The following TBC1D22A variants were observed in gnomAD, a reference collection of about 807,000 sequenced individuals.
TBC1D22A encodes putative GTPase activator.
In TBC1D22A, 38 loss-of-function variants were observed where a neutral mutation model predicts 60.2. That is an observed-to-expected ratio of 0.63 (90% CI 0.49 to 0.83). The LOEUF is 0.83. Among genes scored for constraint, TBC1D22A ranks in the 40% least tolerant of loss-of-function variants. TBC1D22A has a pLI of 0.00. For synonymous variants in TBC1D22A, 302 were observed against 281.7 expected (o/e 1.07, Z -0.72); for missense variants, 628 against 701.0 (o/e 0.90, Z 1.18).
At chr22:47,075,222 C>CAAAAAAAAAA (rs386395628) in intron 11 of TBC1D22A, among the ~76,000 whole-genome samples, 6 of 114,100 alleles carry the variant, frequency 5.3e-5, no homozygotes, top group East Asian at 5.1e-4. Context: ...GATTCCGTCT[C>CAAAAAAAAAA]AAAAAAAAAA....
intron 4 of TBC1D22A, among the ~76,000 whole-genome samples, chr22:46,873,312 C>A (rs2067379270): frequency 6.6e-6 from 1 of 152,126 alleles, no homozygotes; most frequent in African/African-American, 2.4e-5. Context: ...CATCATTAAT[C>A]ATCATAAAAT....
At chr22:46,956,695 T>C (rs372541136) in intron 8 of TBC1D22A, among the ~76,000 whole-genome samples, 43 of 152,230 alleles carry the variant, frequency 2.8e-4, no homozygotes, top group Admixed American at 1.1e-3. Flanking sequence ...GTCCGCCGTC[T>C]GTGGGGCGCG....
In TBC1D22A at chr22:46,854,792, C is replaced by T. The variant is rs541720650; in HGVS notation, c.638-23861C>T. On this transcript the variant is annotated intron_variant, in intron 4 of 12. Coordinates refer to ENST00000337137, the MANE Select transcript of TBC1D22A (RefSeq NM_014346.5). ...CCCGTTGCTTGCAGGACAAAGATCA[C>T]ACTCCTGATATTTAATGCCTTTCTT... 2.6e-5 allele frequency among the ~76,000 whole-genome samples: 4 copies of T among 152,320 alleles called. No homozygotes were observed. In the East Asian group the frequency reaches 7.7e-4, roughly 29 times the overall value.
At chr22:46,774,743 T>TGATATTTCTGGGCCCCC (rs926142050) in intron 1 of TBC1D22A, among the ~76,000 whole-genome samples, 32 of 152,286 alleles carry the variant, frequency 2.1e-4, no homozygotes, top group African/African-American at 7.5e-4. Context: ...TCGGGGCCCC[T>TGATATTTCTGGGCCCCC]GATATTTCTG....
intron 8 of TBC1D22A, among the ~76,000 whole-genome samples, chr22:46,963,965 C>T (rs760449363): frequency 3.3e-5 from 5 of 152,218 alleles, no homozygotes; most frequent in African/African-American, 9.6e-5. Context: ...GAGCGATGCA[C>T]GTTTTCATGG....
At chr22:46,934,121 T>G (rs1364619908) in intron 8 of TBC1D22A, among the ~76,000 whole-genome samples, 1 of 152,172 alleles carries the variant, frequency 6.6e-6, no homozygotes, top group Non-Finnish European at 1.5e-5. Context: ...AATGGGTGAG[T>G]TTGCAGACTT....
At chr22:47,021,731 A>G (rs1366433205) in intron 10 of TBC1D22A, among the ~76,000 whole-genome samples, 1 of 152,266 alleles carries the variant, frequency 6.6e-6, no homozygotes, top group Admixed American at 6.5e-5. Flanking sequence ...TAAGCTGCTA[A>G]GTTTATGGTA....
chr22:47,116,498 C>T (rs2066061661), intron 12 of TBC1D22A: 1 of 152,440 alleles, frequency 6.6e-6, no homozygotes, highest in African/African-American at 2.4e-5. Context: ...GCAGCTTCCT[C>T]CAGCATGGTG....
chr22:47,034,792 A>G (rs1345081168), intron 10 of TBC1D22A, among the ~76,000 whole-genome samples: 1 of 152,236 alleles, frequency 6.6e-6, no homozygotes, highest in East Asian at 1.9e-4. Context: ...TTATCCTAAC[A>G]ACTGATGACG....
chr22:47,034,967 C>A (rs1028869661), intron 10 of TBC1D22A, among the ~76,000 whole-genome samples: 1 of 152,120 alleles, frequency 6.6e-6, no homozygotes, highest in African/African-American at 2.4e-5. Flanking sequence ...GAGGCACCAG[C>A]GTTCCCAGCC....
At position 47,067,121 on chromosome 22, in the gene TBC1D22A, C is replaced by T. The variant is rs150923080; in HGVS notation, c.1329+29923C>T. 6.0e-3 allele frequency among the ~76,000 whole-genome samples: 908 copies of T among 152,236 alleles called. 12 individuals are homozygous for T. The highest frequency in any genetic ancestry group is 0.021 in the African/African-American group (862 of 41,540). ...TCTCTACTAAAAATACAAAAATTAG[C>T]AGAGTGTGGTGGCACGTGCCTATAA... On this transcript the variant is annotated intron_variant, in intron 11 of 12. Coordinates refer to ENST00000337137, the MANE Select transcript of TBC1D22A (RefSeq NM_014346.5).
chr22:47,106,433 T>G (rs1303832255), intron 11 of TBC1D22A, among the ~76,000 whole-genome samples: 1 of 152,330 alleles, frequency 6.6e-6, no homozygotes, highest in Non-Finnish European at 1.5e-5. Context: ...TATGAAGGAA[T>G]GACAAATAGA....
rs374043024 is a variant in TBC1D22A, at chr22:47,086,289, C to T, written c.1330-25219C>T. ...AGATCAGCCTGGAGAAACCCCGTCTCTACTAAAAACACAAAATTAGCCGGG... is the reference window on the plus strand; with the variant it reads ...AGATCAGCCTGGAGAAACCCCGTCTTTACTAAAAACACAAAATTAGCCGGG... On this transcript the variant is annotated intron_variant, in intron 11 of 12. Coordinates refer to ENST00000337137, the MANE Select transcript of TBC1D22A (RefSeq NM_014346.5). Among the ~76,000 whole-genome samples the T allele has an allele frequency of 7.2e-5, 11 of 152,262 alleles. No homozygotes were observed. The East Asian group carries it at 1.5e-3, about 21-fold the overall frequency.
chr22:47,069,818 T>A, intron 11 of TBC1D22A, among the ~76,000 whole-genome samples: 1 of 137,460 alleles, frequency 7.3e-6, no homozygotes, highest in Non-Finnish European at 1.5e-5. Context: ...TTCCCGGCTG[T>A]TCCCTGTTGT....
At chr22:46,976,367 C>T (rs2074295355) in intron 9 of TBC1D22A, among the ~76,000 whole-genome samples, 1 of 152,180 alleles carries the variant, frequency 6.6e-6, no homozygotes, top group Non-Finnish European at 1.5e-5. Context: ...CGATGGATTC[C>T]ACATGATCCT....
chr22:47,060,632 G>C (rs941179169), intron 11 of TBC1D22A, among the ~76,000 whole-genome samples: 1 of 152,150 alleles, frequency 6.6e-6, no homozygotes, highest in Admixed American at 6.5e-5. Flanking sequence ...GGGTTTTGCT[G>C]TGTTGGTCAG....
Position 46,891,265 on chromosome 22 carries a change from G to C in TBC1D22A, c.709-1G>C. 1.9e-6 allele frequency: 3 copies of C among 1,604,260 alleles called. No individual in the cohort carries two copies. The highest frequency in any genetic ancestry group is 2.5e-6 in the Non-Finnish European group (3 of 1,177,032). ...ATATTTTTTGTTTATTTCTCACCCA[G>C]GGTTACCTTCCCGCCAATGTAGACC... is the stretch of plus-strand genomic sequence containing the variant. On this transcript the variant is annotated splice_acceptor_variant, in intron 5 of 12. Transcript: ENST00000337137. LOFTEE classifies it high-confidence loss of function.
chr22:47,098,348 G>T (rs2065264595), intron 11 of TBC1D22A, among the ~76,000 whole-genome samples: 2 of 152,192 alleles, frequency 1.3e-5, no homozygotes, highest in African/African-American at 2.4e-5. Flanking sequence ...TTTCACAGGG[G>T]TGATGGGGCA....
At chr22:47,063,014 G>A (rs131930) in intron 11 of TBC1D22A, among the ~76,000 whole-genome samples, 100,739 of 151,990 alleles carry the variant, frequency 0.66, 35,890 homozygotes, top group East Asian at 0.92. Flanking sequence ...AGGTGCCACT[G>A]TGGTGACCCC....
Sources: gnomAD v4.1 joint callset for allele counts (sites outside exome capture counted in the v4.1 genomes callset) on GRCh38, gnomAD v4.1.1 for gene constraint, MANE v1.5 for transcripts, NCBI Gene and HGNC (gene_info 2026-07-23, HGNC 2026-07-21) for gene names.